Variants in PLAA observed in about 807,000 individuals in gnomAD.
The protein encoded by PLAA is phospholipase A2 activating protein.
A neutral mutation model predicts 84.1 loss-of-function variants in PLAA; 48 were observed. The observed-to-expected ratio is 0.57, with a 90% confidence interval of 0.45 to 0.73. The LOEUF is 0.73. Ranked by LOEUF, PLAA falls within the 30% of genes least tolerant of loss-of-function variation. PLAA has a pLI of 0.00. For missense variants in PLAA, 903 were observed against 954.7 expected, an observed-to-expected ratio of 0.95 and a Z score of 0.71; for synonymous variants, 392 against 336.6, an observed-to-expected ratio of 1.16 and a Z score of -1.80.
At chr9:26,938,866 T>A (rs1825438142) in intron 1 of PLAA, among the ~76,000 whole-genome samples, 1 of 152,140 alleles carries the variant, frequency 6.6e-6, no homozygotes, top group Non-Finnish European at 1.5e-5. Context: ...TTAAAGTAAT[T>A]ATTACTTTAT....
At chr9:26,940,648 A>G (rs1825502300) in intron 1 of PLAA, among the ~76,000 whole-genome samples, 1 of 152,216 alleles carries the variant, frequency 6.6e-6, no homozygotes, top group African/African-American at 2.4e-5. Flanking sequence ...GGCAAATTTT[A>G]TGTTTTGTGT....
chr9:26,945,108 C>CA (rs1361331914), intron 1 of PLAA, among the ~76,000 whole-genome samples: 3 of 151,610 alleles, frequency 2.0e-5, no homozygotes, highest in Non-Finnish European at 4.4e-5. Context: ...GCCTGGGCAA[C>CA]AAGAGCAAAA....
chr9:26,935,234 C>T, intron 1 of PLAA, 28 bp from the exon 2 acceptor site: 2 of 1,425,888 alleles, frequency 1.4e-6, no homozygotes, highest in African/African-American at 1.5e-5. Flanking sequence ...TTAATAGATA[C>T]ATATTCGTAC....
At chr9:26,929,590 A>G (rs1007818916) in intron 2 of PLAA, among the ~76,000 whole-genome samples, 1 of 152,234 alleles carries the variant, frequency 6.6e-6, no homozygotes, top group East Asian at 1.9e-4. Flanking sequence ...ACCAGAAGGA[A>G]GCAATCACAA....
chr9:26,924,314 T>G (rs1824872792), intron 6 of PLAA, among the ~76,000 whole-genome samples: 1 of 151,602 alleles, frequency 6.6e-6, no homozygotes, highest in Admixed American at 6.6e-5. Flanking sequence ...ATTTTTTTTG[T>G]ATGGAGACAG....
chr9:26,925,975 T>A lies in PLAA; in HGVS notation c.734-15A>T, dbSNP rs541931169. The A allele has an allele frequency of 1.3e-6, 2 of 1,599,734 alleles. No individual in the cohort carries two copies. The highest frequency in any genetic ancestry group is 3.3e-5 in the Admixed American group (2 of 59,880). ...TGTCACAAAGTCTAAAATTAATGAA[T>A]ATAGGAAGTATTAGTTTGAATAAAA... is the stretch of plus-strand genomic sequence containing the variant. On this transcript the variant is annotated splice_polypyrimidine_tract_variant and intron_variant, in intron 5 of 13. Coordinates refer to ENST00000397292, the MANE Select transcript of PLAA (RefSeq NM_001031689.3).
chr9:26,907,109 G>A (rs1407484711), intron 13 of PLAA, among the ~76,000 whole-genome samples: 1 of 147,536 alleles, frequency 6.8e-6, no homozygotes, highest in Non-Finnish European at 1.5e-5. Flanking sequence ...AGGACTCTTT[G>A]AGAATTAAAA....
intron 1 of PLAA, among the ~76,000 whole-genome samples, chr9:26,946,657 G>C (rs1825730603): frequency 6.6e-6 from 1 of 152,208 alleles, no homozygotes; most frequent in African/African-American, 2.4e-5. Flanking sequence ...TAGGAGACTC[G>C]TCTGTGGTCA....
At chr9:26,937,525 CCATT>C (rs1209956827) in intron 1 of PLAA, among the ~76,000 whole-genome samples, 1 of 151,932 alleles carries the variant, frequency 6.6e-6, no homozygotes, top group African/African-American at 2.4e-5. Context: ...AAAGTATGGC[CCATT>C]CAAAGGAAAA....
intron 1 of PLAA, among the ~76,000 whole-genome samples, chr9:26,940,287 G>A (rs774885508): frequency 2.6e-5 from 4 of 152,176 alleles, no homozygotes; most frequent in Non-Finnish European, 5.9e-5. Context: ...TAAACAAAAT[G>A]TGGTATAAAC....
In PLAA at chr9:26,933,755, T is replaced by C. The variant is rs562692262; in HGVS notation, c.343+1258A>G. ...AGTGAGCCGAGATCACGCCACTGCATTCCAGCCTGGGCGACAGAGCGAGAC... is the reference window on the plus strand; with the variant it reads ...AGTGAGCCGAGATCACGCCACTGCACTCCAGCCTGGGCGACAGAGCGAGAC... On this transcript the variant is annotated intron_variant, in intron 2 of 13. Transcript: ENST00000397292. Among the ~76,000 whole-genome samples, 437 of 146,320 alleles carry C rather than the reference T, an allele frequency of 3.0e-3. 1 individual carries two copies. Among genetic ancestry groups the C allele is most frequent in the Non-Finnish European group, 5.2e-3 (349 of 67,016 alleles).
At position 26,925,821 on chromosome 9, in the gene PLAA, A is replaced by G. The variant is rs1824933003; in HGVS notation, c.869+4T>C. 1.2e-5 allele frequency: 19 copies of G among 1,613,638 alleles called. No homozygotes were observed. Among genetic ancestry groups the G allele is most frequent in the Non-Finnish European group, 1.4e-5 (17 of 1,179,676 alleles). ...CATTTAATGATTGACTAGAATATAA[A>G]TACCTCGCACCAACCACAATGTCAC... On this transcript the variant is annotated splice_donor_region_variant and intron_variant, in intron 6 of 13. Coordinates refer to ENST00000397292, the MANE Select transcript of PLAA (RefSeq NM_001031689.3).
rs1825048775 is a variant in PLAA at position 26,928,337 on chromosome 9, G to C, written c.415C>G (p.Leu139Val). 1.9e-6 allele frequency: 3 copies of C among 1,614,040 alleles called. No homozygotes were observed. In the East Asian group the frequency reaches 6.7e-5, roughly 36 times the overall value. ...AAGGTCATCATGCACTTGTCATTCA[G>C]CCAGACTTTAGCAGTGGTGTCCCAT... Reference protein sequence around the residue: ...GSWDTTAKVWLNDKCMMTLQG... With the variant: ...GSWDTTAKVWVNDKCMMTLQG... The change falls in exon 3 of 14, where the codon CTG becomes GTG. Residue 139 changes from leucine to valine, a missense_variant. Coordinates refer to ENST00000397292, the MANE Select transcript of PLAA (RefSeq NM_001031689.3).
At chr9:26,919,595 C>T (rs41271173) in intron 8 of PLAA, 66 bp from the exon 9 acceptor site, 43,720 of 835,370 alleles carry the variant, frequency 0.052, 1,355 homozygotes, top group Middle Eastern at 0.099. Flanking sequence ...ATGACATATA[C>T]AACATAACAC....
rs373054455 is a variant in PLAA at position 26,928,205 on chromosome 9, C to A, written c.460G>T (p.Val154Leu). 98 of 1,614,076 alleles carry A rather than the reference C, an allele frequency of 6.1e-5. No homozygotes were observed. The highest frequency in any genetic ancestry group is 7.7e-5 in the Non-Finnish European group (91 of 1,180,028). Residue 154 changes from valine to leucine, a missense_variant, in exon 4 of 14, where the codon GTG (valine) becomes TTG (leucine). Physicochemically the swap from Val to Leu is conservative, Grantham distance 32 (BLOSUM62 1). Coordinates refer to ENST00000397292, the MANE Select transcript of PLAA (RefSeq NM_001031689.3). Reference sequence around the variant, plus strand: ...TCAGGTAAGATCTTTACCGCCCACACTGCAGCTGTATGACCCTGTGAGTAA... The same window carrying A: ...TCAGGTAAGATCTTTACCGCCCACAATGCAGCTGTATGACCCTGTGAGTAA... Reference protein sequence around the residue: ...MMTLQGHTAAVWAVKILPEQG... With the variant: ...MMTLQGHTAALWAVKILPEQG...
intron 10 of PLAA, chr9:26,916,496 A>C (rs1476212269): frequency 2.0e-6 from 2 of 986,882 alleles, no homozygotes; most frequent in African/African-American, 3.5e-5. Flanking sequence ...CAAGAAGGAC[A>C]TTAATAACTT....
chr9:26,945,113 G>C (rs1405621821), intron 1 of PLAA, among the ~76,000 whole-genome samples: 2 of 151,818 alleles, frequency 1.3e-5, no homozygotes, highest in Non-Finnish European at 2.9e-5. Flanking sequence ...GGCAACAAGA[G>C]CAAAACTCTG....
At chr9:26,926,712 CA>C (rs1824979824) in intron 4 of PLAA, 152 bp from the exon 5 acceptor site, 1 of 539,460 alleles carries the variant, frequency 1.9e-6, no homozygotes, top group Non-Finnish European at 3.1e-6. Flanking sequence ...GCCTGATAAC[CA>C]AAATTTGTAT....
At position 26,920,217 on chromosome 9, in the gene PLAA, G is replaced by A. The variant is rs1824715512; in HGVS notation, c.1197+10C>T. On this transcript the variant is annotated intron_variant, in intron 8 of 13. Coordinates refer to ENST00000397292, the MANE Select transcript of PLAA (RefSeq NM_001031689.3). ...AGACAATAGTAATTAGAAAGTAGAAGTCGACATACTTTCCCTTCATATAAA... is the reference window on the plus strand; with the variant it reads ...AGACAATAGTAATTAGAAAGTAGAAATCGACATACTTTCCCTTCATATAAA... 1 of 1,608,836 alleles carries A rather than the reference G, an allele frequency of 6.2e-7. No homozygotes were observed.
Sources: gnomAD v4.1 joint callset for allele counts (sites outside exome capture counted in the v4.1 genomes callset) on GRCh38, gnomAD v4.1.1 for gene constraint, MANE v1.5 for transcripts, NCBI Gene and HGNC (gene_info 2026-07-23, HGNC 2026-07-21) for gene names.